TANC1: variants seen among roughly 807,000 people sequenced by gnomAD.
The protein encoded by TANC1 is protein TANC1.
TANC1 carries 77 observed loss-of-function variants against 149.7 expected under a neutral mutation model. The ratio of observed to expected loss-of-function variants is 0.51; its 90% CI spans 0.43 to 0.62. The LOEUF is 0.62. Among genes scored for constraint, TANC1 ranks in the 20% least tolerant of loss-of-function variants. TANC1 has a pLI of 0.00. For synonymous variants in TANC1, 854 were observed against 925.0 expected (o/e 0.92, Z 1.39); for missense variants, 1,985 against 2,321.8 (o/e 0.85, Z 2.98).
Position 159,217,510 on chromosome 2 carries a change from C to T in TANC1, c.3258C>T (p.Ala1086=), listed in dbSNP as rs750596370. 23 of 1,614,060 alleles carry T rather than the reference C, an allele frequency of 1.4e-5. No homozygotes were observed. Among genetic ancestry groups the T allele is most frequent in the Middle Eastern group, 1.6e-4 (1 of 6,084 alleles). The change falls in exon 20 of 27, where the codon GCC becomes GCT. Residue 1086 remains alanine, a synonymous_variant. Coordinates refer to ENST00000263635, the MANE Select transcript of TANC1 (RefSeq NM_033394.3). The part of the protein sequence containing the change: ...TLWGETALTA[A]AGRGKLEVCE... Reference sequence around the variant, plus strand: ...ACTTTCCTTTAGCCCTGACTGCCGCCGCAGGAAGAGGGAAGCTGGAGGTCT... The same window carrying T: ...ACTTTCCTTTAGCCCTGACTGCCGCTGCAGGAAGAGGGAAGCTGGAGGTCT...
In TANC1 at chr2:158,995,374, A is replaced by T. The variant is rs2149299091; in HGVS notation, c.-125-5706A>T. On this transcript the variant is annotated intron_variant, in intron 1 of 26. Coordinates refer to ENST00000263635, the MANE Select transcript of TANC1 (RefSeq NM_033394.3). ...TTCTCTGGTAAAAGGCACTTTTTATACCAGTGGAGTGTAAATTCCAATGTG... is the reference window on the plus strand; with the variant it reads ...TTCTCTGGTAAAAGGCACTTTTTATTCCAGTGGAGTGTAAATTCCAATGTG... Among the ~76,000 whole-genome samples, 2 of 152,298 alleles carry T rather than the reference A, an allele frequency of 1.3e-5. 1 individual carries two copies.
At chr2:159,135,118 A>G (rs2050529242) in intron 4 of TANC1, among the ~76,000 whole-genome samples, 2 of 152,208 alleles carry the variant, frequency 1.3e-5, no homozygotes, top group Non-Finnish European at 2.9e-5. Context: ...CATAGCCTGC[A>G]TAACCCCCAG....
intron 4 of TANC1, among the ~76,000 whole-genome samples, chr2:159,105,563 C>A (rs935329324): frequency 3.3e-5 from 5 of 152,102 alleles, no homozygotes; most frequent in Non-Finnish European, 7.4e-5. Context: ...AAAAGAAGTA[C>A]AAAATAATGA....
intron 3 of TANC1, among the ~76,000 whole-genome samples, chr2:159,082,279 G>A (rs1204912725): frequency 1.3e-5 from 2 of 151,990 alleles, no homozygotes; most frequent in Non-Finnish European, 2.9e-5. Context: ...GCGGGCAGCT[G>A]CCCACTGCCA....
chr2:158,989,951 T>C (rs1290711504), intron 1 of TANC1, among the ~76,000 whole-genome samples: 2 of 151,520 alleles, frequency 1.3e-5, no homozygotes, highest in African/African-American at 2.4e-5. Context: ...ATTCTCGCAC[T>C]GTCACAGGGG....
intron 14 of TANC1, among the ~76,000 whole-genome samples, chr2:159,181,897 A>G (rs560329978): frequency 1.7e-3 from 256 of 152,250 alleles, no homozygotes; most frequent in African/African-American, 5.5e-3. Context: ...AGAATTATGA[A>G]GATAAAGAAT....
chr2:159,205,143 C>T (rs1418820972), intron 19 of TANC1, among the ~76,000 whole-genome samples: 2 of 152,218 alleles, frequency 1.3e-5, no homozygotes, highest in Admixed American at 6.5e-5. Flanking sequence ...TGATGATTTT[C>T]GTTTCCCTCT....
chr2:159,008,123 T>A (rs1295155478), intron 2 of TANC1, among the ~76,000 whole-genome samples: 1 of 152,184 alleles, frequency 6.6e-6, no homozygotes, highest in Non-Finnish European at 1.5e-5. Flanking sequence ...TTTGAGAAAA[T>A]TTTTATTTCA....
At chr2:159,205,066 G>C (rs763825897) in intron 19 of TANC1, among the ~76,000 whole-genome samples, 29 of 152,234 alleles carry the variant, frequency 1.9e-4, no homozygotes, top group Admixed American at 7.8e-4. Context: ...GCCCCTCTTG[G>C]GGGTGGGGTC....
At chr2:159,144,902 C>T (rs1035568808) in intron 5 of TANC1, among the ~76,000 whole-genome samples, 5 of 152,298 alleles carry the variant, frequency 3.3e-5, no homozygotes, top group African/African-American at 1.2e-4. Context: ...ACTAGATTCA[C>T]AAGTGCTATC....
At chr2:159,050,572 G>T (rs2041392582) in intron 2 of TANC1, among the ~76,000 whole-genome samples, 2 of 152,222 alleles carry the variant, frequency 1.3e-5, no homozygotes, top group South Asian at 4.1e-4. Context: ...GTGGAATGAG[G>T]TGTTAAGAGC....
intron 22 of TANC1, among the ~76,000 whole-genome samples, chr2:159,221,508 C>G (rs927946475): frequency 6.6e-6 from 1 of 152,292 alleles, no homozygotes; most frequent in East Asian, 1.9e-4. Context: ...CGCAGGTCCC[C>G]CTGTCTCCCA....
At chr2:159,109,109 A>T (rs957737317) in intron 4 of TANC1, among the ~76,000 whole-genome samples, 1 of 152,130 alleles carries the variant, frequency 6.6e-6, no homozygotes, top group African/African-American at 2.4e-5. Context: ...AGGCTAGGAG[A>T]GTAAGTTCAC....
In TANC1 at chr2:159,187,264, CTG is replaced by C. The variant is rs2057063370; in HGVS notation, c.2742+242_2742+243del. Among the ~76,000 whole-genome samples, 4 of 152,330 alleles carry C rather than the reference CTG, an allele frequency of 2.6e-5. No homozygotes were observed. The South Asian group carries it at 8.3e-4, about 32-fold the overall frequency. On this transcript the variant is annotated intron_variant, in intron 16 of 26. Transcript: ENST00000263635. ...GGGCTGCTCTGAGCACATGTGGTGACTGTTTCACAGCAGATGTGATAAGGAAG... is the reference window on the plus strand; with the variant it reads ...GGGCTGCTCTGAGCACATGTGGTGACTTTCACAGCAGATGTGATAAGGAAG...
intron 19 of TANC1, among the ~76,000 whole-genome samples, chr2:159,201,790 C>T (rs181140688): frequency 5.9e-5 from 9 of 152,316 alleles, no homozygotes; most frequent in Admixed American, 5.9e-4. Context: ...ACAAGTCTGT[C>T]CAGCATAGAT....
chr2:159,116,173 T>C (rs1037786826), intron 4 of TANC1, among the ~76,000 whole-genome samples: 2 of 152,068 alleles, frequency 1.3e-5, no homozygotes, highest in Non-Finnish European at 2.9e-5. Context: ...ACACTTGTAA[T>C]CCCAGCACTT....
chr2:159,199,307 G>C (rs890359831), intron 19 of TANC1, among the ~76,000 whole-genome samples: 1 of 152,222 alleles, frequency 6.6e-6, no homozygotes, highest in Admixed American at 6.5e-5. Context: ...TACATCTGAT[G>C]AATGTCAGAT....
intron 17 of TANC1, 91 bp from the exon 18 acceptor site, chr2:159,196,517 G>A (rs1049586658): frequency 2.8e-6 from 3 of 1,078,186 alleles, no homozygotes; most frequent in Non-Finnish European, 4.0e-6. Flanking sequence ...CGCTTACAGG[G>A]AGTGGGGTTT....
chr2:158,984,875 T>C (rs2034831045), intron 1 of TANC1, among the ~76,000 whole-genome samples: 1 of 152,140 alleles, frequency 6.6e-6, no homozygotes, highest in South Asian at 2.1e-4. Context: ...GTGCTTGGCA[T>C]TTGGGTACAG....
Sources: allele counts gnomAD v4.1 joint callset (sites outside exome capture counted in the v4.1 genomes callset), GRCh38; gene constraint gnomAD v4.1.1; transcripts MANE v1.5; gene names NCBI Gene and HGNC (gene_info 2026-07-23, HGNC 2026-07-21).